Variants in ACYP2 observed in about 807,000 individuals in gnomAD.
ACYP2 encodes the protein acylphosphatase 2.
Under a neutral mutation model 11.2 loss-of-function variants are expected in ACYP2, and 12 were observed. The observed-to-expected ratio is 1.08, with a 90% CI of 0.69 to 1.74. The LOEUF (loss-of-function observed/expected upper bound fraction) is 1.74, where lower values mean the gene tolerates loss of function less well. Among genes scored for constraint, ACYP2 ranks in the 40% most tolerant of loss-of-function variants. The probability of loss-of-function intolerance (pLI) is 0.00; values close to 1 mark genes in which losing one functional copy is unlikely to be tolerated. For missense variants in ACYP2, 134 were observed against 101.9 expected, an observed-to-expected ratio of 1.31 and a Z score of -1.35; for synonymous variants, 43 against 32.2, an observed-to-expected ratio of 1.33 and a Z score of -1.13.
chr2:54,160,194 T>G (rs2103827035), intron 6 of ACYP2, among the ~76,000 whole-genome samples: 1 of 152,304 alleles, frequency 6.6e-6, no homozygotes, highest in East Asian at 1.9e-4. Context: ...CAGGATCGTG[T>G]CTGTAGGATT....
At chr2:54,126,034 T>C (rs59683158) in intron 4 of ACYP2, among the ~76,000 whole-genome samples, 2,195 of 152,120 alleles carry the variant, frequency 0.014, 63 homozygotes, top group African/African-American at 0.05. Flanking sequence ...TGAGCGGAGA[T>C]TGCACCACTG....
chr2:54,241,546 G>A (rs1373011597), intron 6 of ACYP2, among the ~76,000 whole-genome samples: 3 of 151,908 alleles, frequency 2.0e-5, no homozygotes, highest in Non-Finnish European at 4.4e-5. Flanking sequence ...ATTGCAGAAA[G>A]TTTTGCAGTT....
intron 2 of ACYP2, among the ~76,000 whole-genome samples, chr2:54,019,564 G>C (rs1462502405): frequency 6.6e-6 from 1 of 151,780 alleles, no homozygotes; most frequent in Admixed American, 6.6e-5. Flanking sequence ...GCCTCCCCAA[G>C]TGCTGAGATT....
At chr2:54,146,284 A>C (rs1681876262) in intron 6 of ACYP2, among the ~76,000 whole-genome samples, 1 of 152,120 alleles carries the variant, frequency 6.6e-6, no homozygotes. Context: ...TATTCCACTT[A>C]TCTCTCTTCT....
chr2:54,029,978 G>C, intron 2 of ACYP2: 1 of 251,584 alleles, frequency 4.0e-6, no homozygotes, highest in African/African-American at 2.3e-5. Context: ...GATACAGGGA[G>C]AAGGCCCGAG....
rs151268772 is a variant in ACYP2, at chr2:54,136,605, T to G, written c.294+1136T>G. On this transcript the variant is annotated intron_variant, in intron 5 of 6. Transcript: ENST00000607452. ...TAGCTGTTACCATTTTGATTTGTGTTGTTTCATACAGCTGGGGATGTGGAG... is the reference window on the plus strand; with the variant it reads ...TAGCTGTTACCATTTTGATTTGTGTGGTTTCATACAGCTGGGGATGTGGAG... Among the ~76,000 whole-genome samples the G allele has an allele frequency of 2.0e-4, 31 of 152,340 alleles. No homozygotes were observed. The East Asian group carries it at 6.0e-3, about 29-fold the overall frequency.
chr2:54,089,545 C>G (rs909536019), intron 4 of ACYP2, among the ~76,000 whole-genome samples: 3 of 151,740 alleles, frequency 2.0e-5, no homozygotes, highest in Non-Finnish European at 4.4e-5. Flanking sequence ...CGAGACCAGC[C>G]TGGGCAACAT....
intron 4 of ACYP2, among the ~76,000 whole-genome samples, chr2:54,086,744 G>C (rs1445569180): frequency 6.6e-6 from 1 of 152,156 alleles, no homozygotes; most frequent in Non-Finnish European, 1.5e-5. Flanking sequence ...GACTGCTACA[G>C]GTTCATAGAT....
intron 6 of ACYP2, among the ~76,000 whole-genome samples, chr2:54,245,749 T>A (rs1017158046): frequency 6.6e-6 from 1 of 152,006 alleles, no homozygotes; most frequent in African/African-American, 2.4e-5. Flanking sequence ...GATTTCCTTG[T>A]ATATTCTGGA....
At chr2:54,073,308 C>G (rs577115139) in intron 4 of ACYP2, among the ~76,000 whole-genome samples, 2 of 151,826 alleles carry the variant, frequency 1.3e-5, no homozygotes, top group South Asian at 4.2e-4. Flanking sequence ...GGGAAGATCT[C>G]TTGAGCCCAG....
At chr2:54,031,030 C>G (rs545371474) in intron 2 of ACYP2, among the ~76,000 whole-genome samples, 1 of 152,240 alleles carries the variant, frequency 6.6e-6, no homozygotes, top group East Asian at 1.9e-4. Flanking sequence ...CAGTAAGGGG[C>G]GCAGACACAA....
chr2:54,176,370 C>A (rs72908727), intron 6 of ACYP2, among the ~76,000 whole-genome samples: 3 of 152,054 alleles, frequency 2.0e-5, no homozygotes, highest in African/African-American at 7.2e-5. Context: ...AGATGGAAGC[C>A]ATACATTGAA....
intron 2 of ACYP2, among the ~76,000 whole-genome samples, chr2:54,021,583 T>G (rs1266485881): frequency 6.6e-6 from 1 of 152,220 alleles, no homozygotes; most frequent in Non-Finnish European, 1.5e-5. Context: ...CTAATTTTAT[T>G]ATGAGGTTCT....
intron 6 of ACYP2, among the ~76,000 whole-genome samples, chr2:54,269,806 C>T (rs1688201863): frequency 1.3e-5 from 2 of 152,178 alleles, no homozygotes; most frequent in South Asian, 4.1e-4. Flanking sequence ...AGCCATTATT[C>T]CACTATTCTA....
intron 6 of ACYP2, among the ~76,000 whole-genome samples, chr2:54,193,399 G>A (rs982796293): frequency 6.6e-6 from 1 of 152,168 alleles, no homozygotes; most frequent in Non-Finnish European, 1.5e-5. Flanking sequence ...TAGGGAGAGT[G>A]AAATAACTCA....
intron 5 of ACYP2, among the ~76,000 whole-genome samples, chr2:54,137,131 G>T (rs1233051774): frequency 1.3e-5 from 2 of 151,908 alleles, no homozygotes; most frequent in African/African-American, 4.9e-5. Flanking sequence ...ATAATAATAG[G>T]AGAGATAAAT....
intron 6 of ACYP2, among the ~76,000 whole-genome samples, chr2:54,239,561 AT>A (rs1686642513): frequency 6.6e-6 from 1 of 152,160 alleles, no homozygotes; most frequent in South Asian, 2.1e-4. Context: ...TTGAAATAGC[AT>A]TGTTAGCATC....
intron 6 of ACYP2, among the ~76,000 whole-genome samples, chr2:54,214,046 G>A (rs987635677): frequency 7.9e-5 from 12 of 151,858 alleles, no homozygotes; most frequent in Admixed American, 1.3e-4. Flanking sequence ...AGGCATGAGC[G>A]CCCATGCCTA....
intron 4 of ACYP2, among the ~76,000 whole-genome samples, chr2:54,060,985 A>C (rs1027919502): frequency 6.6e-6 from 1 of 152,164 alleles, no homozygotes; most frequent in South Asian, 2.1e-4. Context: ...GAGAAGACAA[A>C]CACATTTAAT....
Sources: gnomAD v4.1 joint callset for allele counts (sites outside exome capture counted in the v4.1 genomes callset) on GRCh38, gnomAD v4.1.1 for gene constraint, MANE v1.5 for transcripts, NCBI Gene and HGNC (gene_info 2026-07-23, HGNC 2026-07-21) for gene names.